The following MACF1 variants were observed in gnomAD, a reference collection of about 807,000 sequenced individuals.
MACF1 encodes the protein microtubule-actin cross-linking factor 1.
A neutral mutation model predicts 854.8 loss-of-function variants in MACF1; 193 were observed. The observed-to-expected ratio is 0.23, with a 90% CI of 0.20 to 0.25. The LOEUF (loss-of-function observed/expected upper bound fraction) is 0.25, where lower values mean the gene tolerates loss of function less well. Among genes scored for constraint, MACF1 ranks in the 10% least tolerant of loss-of-function variants. MACF1 has a pLI of 1.00. For missense variants in MACF1, 7,722 were observed against 8,929.1 expected, an observed-to-expected ratio of 0.86 and a Z score of 5.45; for synonymous variants, 3,185 against 3,226.7, an observed-to-expected ratio of 0.99 and a Z score of 0.44.
At chr1:39,129,102 CAGGTGCTTAG>C (rs1642931959) in intron 2 of MACF1, among the ~76,000 whole-genome samples, 2 of 152,140 alleles carry the variant, frequency 1.3e-5, no homozygotes, top group Admixed American at 1.3e-4. Flanking sequence ...TTCTAAAGAT[CAGGTGCTTAG>C]AGCCGGAAGC....
intron 58 of MACF1, among the ~76,000 whole-genome samples, chr1:39,391,588 A>T (rs1205202723): frequency 6.6e-6 from 1 of 152,218 alleles, no homozygotes; most frequent in Non-Finnish European, 1.5e-5. Context: ...TTAAAATTGC[A>T]TTAGATATGA....
intron 2 of MACF1, among the ~76,000 whole-genome samples, chr1:39,239,912 G>A (rs1441681612): frequency 2.6e-5 from 4 of 151,730 alleles, no homozygotes; most frequent in South Asian, 2.1e-4. Flanking sequence ...CCTTCCTTCC[G>A]TCCGTCCGTC....
chr1:39,324,474 TAAG>T, intron 34 of MACF1, 129 bp downstream of exon 34: 2 of 1,245,166 alleles, frequency 1.6e-6, no homozygotes, highest in South Asian at 3.2e-5. Flanking sequence ...TAAAGAAACT[TAAG>T]AAGCCATCTT....
chr1:39,255,669 ACATTTCACCTT>A (rs1358628128), intron 5 of MACF1, among the ~76,000 whole-genome samples: 1 of 152,212 alleles, frequency 6.6e-6, no homozygotes, highest in African/African-American at 2.4e-5. Context: ...TAAGATCTTA[ACATTTCACCTT>A]CATCTCTCAT....
At chr1:39,273,359 G>A (rs971720566) in intron 6 of MACF1, among the ~76,000 whole-genome samples, 5 of 151,970 alleles carry the variant, frequency 3.3e-5, no homozygotes, top group Admixed American at 6.6e-5. Context: ...TAGGTGAATA[G>A]TCAGATAACA....
At chr1:39,349,654 A>G (rs371022757) in intron 42 of MACF1, 27 bp downstream of exon 42, 1 of 1,611,080 alleles carries the variant, frequency 6.2e-7, no homozygotes, top group Non-Finnish European at 8.5e-7. Flanking sequence ...CAATTTTGAC[A>G]CAAAGTCTCG....
Position 39,331,189 on chromosome 1 carries a change from T to TCC in MACF1, c.4615-14_4615-13insCC. On this transcript the variant is annotated splice_polypyrimidine_tract_variant and intron_variant, in intron 36 of 100. Coordinates refer to ENST00000564288, the MANE Select transcript of MACF1 (RefSeq NM_001394062.1). ...CTCTTTTCCTTTTTTTTTTTTTTTT[T>TCC]TTTTTTTTTTTAGGAATGCAGAGCA... is the stretch of plus-strand genomic sequence containing the variant. The TCC allele has an allele frequency of 1.5e-6, 2 of 1,358,770 alleles. No homozygotes were observed. Among genetic ancestry groups the TCC allele is most frequent in the Middle Eastern group, 4.8e-4 (2 of 4,196 alleles). The allele number at this position is 1,358,770 out of a possible 1,614,324, so 84.2% of individuals were successfully genotyped here.
At chr1:39,251,752 C>T in intron 3 of MACF1, 94 bp from the exon 4 acceptor site, 1 of 668,000 alleles carries the variant, frequency 1.5e-6, no homozygotes, top group Non-Finnish European at 2.2e-6. Context: ...TTTGTTTTTC[C>T]TTTTTTTTAA....
rs1317556693 is a variant in MACF1 at position 39,429,865 on chromosome 1, A to G, written c.16927A>G (p.Ile5643Val). ...VLLIQEKLDG[I>V]KTRYADITVT... ...ACTTATCCAGGAAAAACTAGATGGT[A>G]TAAAGACTCGTTACGCAGACATCAC... The change falls in exon 65 of 101, where the codon ATA becomes GTA. Residue 5643 changes from isoleucine (I) to valine (V), a missense_variant. Transcript: ENST00000564288. The G allele has an allele frequency of 1.2e-6, 2 of 1,614,138 alleles. No individual in the cohort carries two copies. Among genetic ancestry groups the G allele is most frequent in the Middle Eastern group, 1.7e-4 (1 of 6,058 alleles).
At chr1:39,437,643 A>T in intron 70 of MACF1, 134 bp from the exon 71 acceptor site, 1 of 788,960 alleles carries the variant, frequency 1.3e-6, no homozygotes, top group Non-Finnish European at 2.2e-6. Context: ...CTCAACACTT[A>T]ATAGCCATTG....
chr1:39,403,057 G>T (rs888502150), intron 58 of MACF1, among the ~76,000 whole-genome samples: 60 of 148,686 alleles, frequency 4.0e-4, no homozygotes, highest in African/African-American at 1.5e-3. Context: ...TTTTTGTTTG[G>T]TTTGGTTTTT....
chr1:39,453,539 A>C (rs1644379052), intron 87 of MACF1, among the ~76,000 whole-genome samples, 168 bp from the exon 88 acceptor site: 1 of 152,212 alleles, frequency 6.6e-6, no homozygotes, highest in Non-Finnish European at 1.5e-5. Flanking sequence ...TCACCTTCCC[A>C]CATCTTTTAG....
intron 23 of MACF1, among the ~76,000 whole-genome samples, chr1:39,305,184 C>G (rs184919171): frequency 2.8e-4 from 43 of 150,958 alleles, no homozygotes; most frequent in Admixed American, 1.8e-3. Context: ...TTGCTTGAAC[C>G]CAGGGTGTGG....
In MACF1 at chr1:39,285,199, G is replaced by A. The variant is rs141137606; in HGVS notation, c.1248G>A (p.Pro416=). Residue 416 remains proline, a synonymous_variant, in exon 12 of 101, where the codon CCG becomes CCA. Transcript: ENST00000564288. The part of the protein sequence containing the change: ...EMLEREKSLR[P]AVERLELLLQ... ...TGGAACGAGAGAAATCACTTCGGCCGGCTGTGGAGAGGTGGGTCCAGATCC... is the reference window on the plus strand; with the variant it reads ...TGGAACGAGAGAAATCACTTCGGCCAGCTGTGGAGAGGTGGGTCCAGATCC... 5.5e-5 allele frequency: 88 copies of A among 1,614,058 alleles called. No homozygotes were observed. The Middle Eastern group carries it at 8.2e-4, about 15-fold the overall frequency.
intron 6 of MACF1, among the ~76,000 whole-genome samples, chr1:39,261,286 G>A (rs1250185437): frequency 6.6e-6 from 1 of 151,898 alleles, no homozygotes; most frequent in Admixed American, 6.6e-5. Context: ...AATTTCTATT[G>A]TTTGTTTATT....
At chr1:39,427,255 T>G (rs1250642552) in intron 61 of MACF1, among the ~76,000 whole-genome samples, 200 bp from the exon 62 acceptor site, 1 of 152,218 alleles carries the variant, frequency 6.6e-6, no homozygotes, top group Non-Finnish European at 1.5e-5. Flanking sequence ...CTGTCCACCT[T>G]ACAAGGTTAT....
intron 2 of MACF1, among the ~76,000 whole-genome samples, chr1:39,109,195 A>G (rs924448993): frequency 3.9e-5 from 6 of 152,178 alleles, no homozygotes; most frequent in African/African-American, 9.7e-5. Flanking sequence ...AGGGATGATA[A>G]TACTAATTTC....
At position 39,387,786 on chromosome 1, in the gene MACF1, G is replaced by A; in HGVS notation, c.14944G>A (p.Asp4982Asn). The A allele has an allele frequency of 1.2e-6, 2 of 1,614,188 alleles. No homozygotes were observed. Among genetic ancestry groups the A allele is most frequent in the Non-Finnish European group, 1.7e-6 (2 of 1,180,040 alleles). Residue 4982 changes from aspartate to asparagine, a missense_variant, in exon 58 of 101, where the codon GAT becomes AAT. Around this residue, in one of 15 missense-constraint regions of MACF1, gnomAD observed 2,807 missense variants for 3,235.8 expected, o/e 0.87. Transcript: ENST00000564288. ...AGAAGCAGATGAGGATGGAATCCGG[G>A]ATGAGAAGGCTGGGATCAACCAGAA... ...SSEADEDGIRDEKAGINQNMD... is the reference protein window; with the variant it reads ...SSEADEDGIRNEKAGINQNMD...
chr1:39,178,490 C>T (rs1475902615), intron 2 of MACF1, among the ~76,000 whole-genome samples: 1 of 152,048 alleles, frequency 6.6e-6, no homozygotes, highest in Non-Finnish European at 1.5e-5. Context: ...TTCTCTTTTT[C>T]CCTCTCTGTA....
Sources: allele counts gnomAD v4.1 joint callset (sites outside exome capture counted in the v4.1 genomes callset), GRCh38; gene constraint gnomAD v4.1.1; regional missense constraint gnomAD v4.1.1; transcripts MANE v1.5; gene names NCBI Gene and HGNC (gene_info 2026-07-23, HGNC 2026-07-21).